The following TTC27 variants were observed in gnomAD, a reference collection of about 807,000 sequenced individuals.
TTC27 encodes tetratricopeptide repeat domain 27, also known as tetratricopeptide repeat protein 27.
TTC27 carries 79 observed loss-of-function variants against 115.9 expected under a neutral mutation model. That is an observed-to-expected ratio of 0.68 (90% confidence interval 0.57 to 0.82). The LOEUF (loss-of-function observed/expected upper bound fraction) is 0.82. Ranked by LOEUF, TTC27 falls within the 40% of genes least tolerant of loss-of-function variation. The pLI, the probability that TTC27 is intolerant of heterozygous loss-of-function variation, is 0.00. For synonymous variants in TTC27, 401 were observed against 356.0 expected, an observed-to-expected ratio of 1.13 and a Z score of -1.42; for missense variants, 1,054 against 993.1, an observed-to-expected ratio of 1.06 and a Z score of -0.82.
At chr2:32,730,834 T>C (rs1456013875) in intron 10 of TTC27, among the ~76,000 whole-genome samples, 7 of 151,352 alleles carry the variant, frequency 4.6e-5, no homozygotes, top group African/African-American at 1.5e-4. Flanking sequence ...GTTGGCCAGG[T>C]TGTTCTAGAG....
rs116036950 is a variant in TTC27 at position 32,656,040 on chromosome 2, A to G, written c.640+5807A>G. On this transcript the variant is annotated intron_variant, in intron 5 of 19. Transcript: ENST00000317907. ...AACAACATCAGGGAAAGTTGCATTG[A>G]ACAACACTGCTATTGAGTACTGGCT... 3.5e-3 allele frequency among the ~76,000 whole-genome samples: 526 copies of G among 152,278 alleles called. 4 individuals carry two copies. Among genetic ancestry groups the G allele is most frequent in the African/African-American group, 0.012 (495 of 41,562 alleles).
At chr2:32,723,133 G>A (rs1263297401) in intron 10 of TTC27, among the ~76,000 whole-genome samples, 2 of 152,084 alleles carry the variant, frequency 1.3e-5, no homozygotes, top group Non-Finnish European at 2.9e-5. Context: ...AAATATATTC[G>A]CTTAAAGCAC....
intron 12 of TTC27, among the ~76,000 whole-genome samples, chr2:32,753,318 C>T (rs1669081003): frequency 6.6e-6 from 1 of 151,868 alleles, no homozygotes; most frequent in Non-Finnish European, 1.5e-5. Context: ...TTACCATAGT[C>T]CCAAGCCCAC....
At chr2:32,787,925 C>T (rs892027164) in intron 16 of TTC27, among the ~76,000 whole-genome samples, 1 of 152,178 alleles carries the variant, frequency 6.6e-6, no homozygotes, top group Admixed American at 6.5e-5. Context: ...TCTGTTTGCA[C>T]AGTCCCCTGA....
At chr2:32,792,008 A>C (rs554065939) in intron 16 of TTC27, among the ~76,000 whole-genome samples, 49 of 152,346 alleles carry the variant, frequency 3.2e-4, no homozygotes, top group Admixed American at 2.6e-4. Context: ...TCTTACATGC[A>C]TTTCCAGTCA....
At chr2:32,770,609 C>T (rs1485015778) in intron 13 of TTC27, among the ~76,000 whole-genome samples, 1 of 152,208 alleles carries the variant, frequency 6.6e-6, no homozygotes, top group African/African-American at 2.4e-5. Context: ...CCATCCAGCA[C>T]ATGTTAGGGA....
chr2:32,803,168 C>T (rs1243158733), intron 16 of TTC27, among the ~76,000 whole-genome samples: 1 of 152,218 alleles, frequency 6.6e-6, no homozygotes, highest in Non-Finnish European at 1.5e-5. Flanking sequence ...GGAAACCTCC[C>T]TTACCTTCAC....
At chr2:32,819,981 T>G (rs188009924) in intron 19 of TTC27, among the ~76,000 whole-genome samples, 4 of 152,372 alleles carry the variant, frequency 2.6e-5, no homozygotes, top group African/African-American at 9.6e-5. Context: ...GGCTAGGTTA[T>G]TTTCCTAAAA....
At chr2:32,750,411 T>G (rs1415040886) in intron 12 of TTC27, among the ~76,000 whole-genome samples, 1 of 152,226 alleles carries the variant, frequency 6.6e-6, no homozygotes, top group Non-Finnish European at 1.5e-5. Context: ...TAAAGGCTGT[T>G]GCTTCACTTC....
At chr2:32,650,300 C>A in intron 5 of TTC27, 67 bp downstream of exon 5, 1 of 1,096,622 alleles carries the variant, frequency 9.1e-7, no homozygotes, top group South Asian at 1.9e-5. Flanking sequence ...TGAGATACTC[C>A]TTTTTAGTTT....
intron 16 of TTC27, among the ~76,000 whole-genome samples, chr2:32,791,758 C>T (rs190023060): frequency 9.9e-5 from 15 of 152,086 alleles, no homozygotes; most frequent in African/African-American, 3.1e-4. Context: ...GCCTACAGCC[C>T]CAGCTACTTG....
At chr2:32,699,568 C>G (rs1004162199) in intron 9 of TTC27, among the ~76,000 whole-genome samples, 2 of 152,120 alleles carry the variant, frequency 1.3e-5, no homozygotes, top group Admixed American at 6.5e-5. Flanking sequence ...CTTCATAAAC[C>G]AACATATTTC....
chr2:32,689,183 T>C (rs1224596378), intron 9 of TTC27, among the ~76,000 whole-genome samples: 2 of 152,130 alleles, frequency 1.3e-5, no homozygotes, highest in African/African-American at 2.4e-5. Context: ...CACAGATTGA[T>C]TACAAAATGT....
intron 16 of TTC27, among the ~76,000 whole-genome samples, chr2:32,795,132 GAA>G (rs61698560): frequency 2.4e-4 from 34 of 141,102 alleles, no homozygotes; most frequent in East Asian, 8.1e-4. Flanking sequence ...GACATTACAA[GAA>G]AAAAAAAAAA....
At chr2:32,714,444 C>T (rs1433033485) in intron 10 of TTC27, among the ~76,000 whole-genome samples, 1 of 152,174 alleles carries the variant, frequency 6.6e-6, no homozygotes, top group African/African-American at 2.4e-5. Flanking sequence ...AGGCGTGAGC[C>T]ACTGCACCTG....
chr2:32,675,983 G>T (rs1572504593), intron 8 of TTC27, among the ~76,000 whole-genome samples: 1 of 151,840 alleles, frequency 6.6e-6, no homozygotes, highest in Non-Finnish European at 1.5e-5. Flanking sequence ...GTAGAGACAG[G>T]GTTTCACCAT....
At chr2:32,687,539 A>G (rs1273093059) in intron 9 of TTC27, among the ~76,000 whole-genome samples, 1 of 152,236 alleles carries the variant, frequency 6.6e-6, no homozygotes, top group Non-Finnish European at 1.5e-5. Flanking sequence ...AGCGAGAGAC[A>G]ACTATATGCT....
intron 16 of TTC27, among the ~76,000 whole-genome samples, chr2:32,787,866 A>G (rs1670401220): frequency 6.6e-6 from 1 of 152,172 alleles, no homozygotes; most frequent in Non-Finnish European, 1.5e-5. Flanking sequence ...AAGTGAATGG[A>G]GAGATAGCAG....
intron 8 of TTC27, among the ~76,000 whole-genome samples, chr2:32,674,693 G>A (rs1177827724): frequency 7.0e-6 from 1 of 143,878 alleles, no homozygotes; most frequent in African/African-American, 2.6e-5. Context: ...GAGTCTCGCT[G>A]TGTCACCCCA....
Sources: allele counts gnomAD v4.1 joint callset (sites outside exome capture counted in the v4.1 genomes callset), GRCh38; gene constraint gnomAD v4.1.1; transcripts MANE v1.5; gene names NCBI Gene and HGNC (gene_info 2026-07-23, HGNC 2026-07-21).